Variants in COL28A1 observed in about 807,000 individuals in gnomAD.
COL28A1 encodes collagen alpha-1(XXVIII) chain.
Under a neutral mutation model 150.2 loss-of-function variants are expected in COL28A1, and 161 were observed. The ratio of observed to expected loss-of-function variants is 1.07; its 90% confidence interval spans 0.94 to 1.22. COL28A1 has a LOEUF of 1.22. COL28A1 is among the 50% of genes most tolerant of loss of function. The pLI, the probability that COL28A1 is intolerant of heterozygous loss-of-function variation, is 0.00. For synonymous variants in COL28A1, 552 were observed against 469.7 expected (o/e 1.18, Z -2.26); for missense variants, 1,617 against 1,388.3 (o/e 1.16, Z -2.62).
intron 27 of COL28A1, among the ~76,000 whole-genome samples, chr7:7,392,180 C>A (rs964999687): frequency 6.6e-6 from 1 of 152,184 alleles, no homozygotes; most frequent in Non-Finnish European, 1.5e-5. Flanking sequence ...CCAGTGGTGA[C>A]AAAATCTCTC....
the COL28A1 span, among the ~76,000 whole-genome samples, chr7:7,543,037 T>C: frequency 6.6e-6 from 1 of 152,212 alleles, no homozygotes; most frequent in Admixed American, 6.5e-5. Flanking sequence ...CATACGTAAG[T>C]TTATCAGAAA....
At position 7,515,801 on chromosome 7, in the gene COL28A1, G is replaced by T. The variant is rs1285382236; in HGVS notation, c.882+13C>A. ...TGAAATTCTGGTCAATCTATTTGTT[G>T]TTACCAACTTACCTTGTCACCCTTG... On this transcript the variant is annotated intron_variant, in intron 8 of 34. Transcript: ENST00000399429. The T allele has an allele frequency of 4.0e-6, 4 of 1,011,524 alleles. No individual in the cohort carries two copies. Among genetic ancestry groups the T allele is most frequent in the South Asian group, 1.3e-5 (1 of 77,056 alleles). The allele number at this position is 1,011,524 out of a possible 1,614,324, so 62.7% of individuals were successfully genotyped here.
At chr7:7,344,948 G>A in the COL28A1 span, among the ~76,000 whole-genome samples, 1 of 151,836 alleles carries the variant, frequency 6.6e-6, no homozygotes, top group Non-Finnish European at 1.5e-5. Context: ...AGATCAAATT[G>A]CAGGTGCACA....
intron 11 of COL28A1, among the ~76,000 whole-genome samples, chr7:7,505,047 C>G (rs1780734686): frequency 6.6e-6 from 1 of 152,182 alleles, no homozygotes; most frequent in Non-Finnish European, 1.5e-5. Context: ...ACAGTTTCCC[C>G]AGTTGAAGCC....
In COL28A1 at chr7:7,477,169, A is replaced by T; in HGVS notation, c.1176T>A (p.Gly392=). Residue 392 remains glycine (G), a synonymous_variant, in exon 14 of 35, where the codon GGT becomes GGA. Coordinates refer to ENST00000399429, the MANE Select transcript of COL28A1 (RefSeq NM_001037763.3). ...VGEPGQPGPR[G]PEGVPGERGL... ...CCCTCTCTCCTGGTACTCCCTCAGG[A>T]CCACGGGGACCCTGGTTAGGATAGG... is the stretch of plus-strand genomic sequence containing the variant. 3 of 1,257,200 alleles carry T rather than the reference A, an allele frequency of 2.4e-6. No homozygotes were observed. Among genetic ancestry groups the T allele is most frequent in the Non-Finnish European group, 3.5e-6 (3 of 853,616 alleles). 77.9% of individuals were successfully genotyped at this position (1,257,200 alleles called of 1,614,324 possible). A position where few individuals can be genotyped will look rare whatever the true frequency, so the allele number is the denominator to read the frequency against.
chr7:7,523,871 C>T (rs1363085769), intron 4 of COL28A1, among the ~76,000 whole-genome samples: 1 of 152,146 alleles, frequency 6.6e-6, no homozygotes, highest in Non-Finnish European at 1.5e-5. Context: ...CTAACCTAGC[C>T]AACACCAGGA....
chr7:7,444,444 C>T lies in COL28A1; in HGVS notation c.1555G>A (p.Gly519Arg). 6.2e-7 allele frequency: 1 copy of T among 1,614,014 alleles called. No homozygotes were observed. Among genetic ancestry groups the T allele is most frequent in the African/African-American group, 1.3e-5 (1 of 75,010 alleles). ...TTCTTCCCTGCAGCTCCATCTTCTC[C>T]TGGTACTCCTGGTTGTCCTGGGAGC... ...IGLPGQPGVP[G>R]EDGAAGKKGE... is the part of the protein sequence containing the mutation. The change falls in exon 19 of 35, where the codon GGA becomes AGA. Residue 519 changes from glycine (G) to arginine (R), a missense_variant. By Grantham distance (125) the Gly-to-Arg change is moderately radical. Coordinates refer to ENST00000399429, the MANE Select transcript of COL28A1 (RefSeq NM_001037763.3).
rs1046840358 is a variant in COL28A1, at chr7:7,532,884, A to C, written c.-9T>G. ...AAATATCTGTTCCACATTATGGTAG[A>C]TGGTGAAAAATCATCTGTCTTGTAG... On this transcript the variant is annotated 5_prime_UTR_variant, in exon 2 of 35. Transcript: ENST00000399429. 8 of 1,591,964 alleles carry C rather than the reference A, an allele frequency of 5.0e-6. No homozygotes were observed. The African/African-American group carries it at 1.1e-4, about 22-fold the overall frequency.
chr7:7,400,406 T>A (rs1041503879), intron 27 of COL28A1, among the ~76,000 whole-genome samples: 1 of 152,100 alleles, frequency 6.6e-6, no homozygotes, highest in Admixed American at 6.5e-5. Flanking sequence ...GCTTTGAAGA[T>A]GGAAGAAGGA....
intron 20 of COL28A1, among the ~76,000 whole-genome samples, chr7:7,442,972 T>C (rs998206716): frequency 1.3e-5 from 2 of 151,168 alleles, no homozygotes; most frequent in Non-Finnish European, 2.9e-5. Flanking sequence ...GAGGCGGAGG[T>C]TGTAGTGAGC....
chr7:7,379,180 C>T (rs1781729277), intron 30 of COL28A1, among the ~76,000 whole-genome samples: 1 of 152,138 alleles, frequency 6.6e-6, no homozygotes, highest in African/African-American at 2.4e-5. Flanking sequence ...AGAGCGGGGG[C>T]CTCTAAAACA....
intron 27 of COL28A1, among the ~76,000 whole-genome samples, chr7:7,382,106 T>C (rs1445543537): frequency 6.6e-6 from 1 of 152,156 alleles, no homozygotes; most frequent in African/African-American, 2.4e-5. Flanking sequence ...GGTCATGAGT[T>C]TGAGACCAGC....
intron 34 of COL28A1, among the ~76,000 whole-genome samples, chr7:7,359,289 A>C (rs1023562755): frequency 2.9e-5 from 1 of 34,448 alleles, no homozygotes; most frequent in African/African-American, 5.6e-5. Flanking sequence ...TCTTTAAGTT[A>C]CAAAAAAAAA....
the COL28A1 span, among the ~76,000 whole-genome samples, chr7:7,340,582 C>T: frequency 6.6e-6 from 1 of 152,124 alleles, no homozygotes; most frequent in Non-Finnish European, 1.5e-5. Flanking sequence ...TGACTCCTCA[C>T]TGGCTGCCTT....
At chr7:7,497,475 T>C (rs80014938) in intron 11 of COL28A1, among the ~76,000 whole-genome samples, 21,196 of 152,148 alleles carry the variant, frequency 0.14, 1,566 homozygotes, top group East Asian at 0.22. Context: ...GCCCAAATCA[T>C]AGAGCCAATA....
rs758919711 is a variant in COL28A1 at position 7,370,787 on chromosome 7, C to A, written c.3004G>T (p.Gly1002Trp). Residue 1002 changes from glycine to tryptophan, a missense_variant, in exon 33 of 35, where the codon GGG becomes TGG. Physicochemically the swap from Gly to Trp is radical, Grantham distance 184. Coordinates refer to ENST00000399429, the MANE Select transcript of COL28A1 (RefSeq NM_001037763.3). ...TCACTGAGTTCTTCCCCTGACATCC[C>A]AAATCCAGGTTGAGGTGACGATGAA... ...FGSSSPQPGF[G>W]MSGEELSEST... The A allele has an allele frequency of 6.2e-7, 1 of 1,613,610 alleles. No homozygotes were observed. Among genetic ancestry groups the A allele is most frequent in the African/African-American group, 1.3e-5 (1 of 74,842 alleles).
At chr7:7,352,007 C>G (rs965234623), downstream of COL28A1, among the ~76,000 whole-genome samples, 7 of 152,132 alleles carry the variant, frequency 4.6e-5, no homozygotes, top group African/African-American at 1.7e-4. Flanking sequence ...ACAATCTATT[C>G]TCTCTGAAGC....
chr7:7,446,378 T>A (rs1402041948), intron 18 of COL28A1, among the ~76,000 whole-genome samples: 1 of 152,106 alleles, frequency 6.6e-6, no homozygotes, highest in Non-Finnish European at 1.5e-5. Flanking sequence ...AAAATATGAA[T>A]TATATAAATG....
intron 23 of COL28A1, among the ~76,000 whole-genome samples, chr7:7,435,888 G>T (rs1318989759): frequency 2.0e-5 from 3 of 152,172 alleles, no homozygotes; most frequent in Non-Finnish European, 4.4e-5. Flanking sequence ...TTTTGCTGTG[G>T]TGCTGGGTAT....
Sources: gnomAD v4.1 joint callset for allele counts (sites outside exome capture counted in the v4.1 genomes callset) on GRCh38, gnomAD v4.1.1 for gene constraint, MANE v1.5 for transcripts, NCBI Gene and HGNC (gene_info 2026-07-23, HGNC 2026-07-21) for gene names.